The following PDZD8 variants were observed in gnomAD, a reference collection of about 807,000 sequenced individuals.
PDZD8 encodes the protein PDZ domain containing 8.
A neutral mutation model predicts 85.8 loss-of-function variants in PDZD8; 14 were observed. The observed-to-expected ratio is 0.16, with a 90% CI of 0.11 to 0.26. The LOEUF is 0.26. Among genes scored for constraint, PDZD8 ranks in the 10% least tolerant of loss-of-function variants. The probability of loss-of-function intolerance (pLI) is 1.00; values close to 1 mark genes in which losing one functional copy is unlikely to be tolerated. For missense variants in PDZD8, 1,197 were observed against 1,424.3 expected, an observed-to-expected ratio of 0.84 and a Z score of 2.57; for synonymous variants, 592 against 568.6, an observed-to-expected ratio of 1.04 and a Z score of -0.59.
chr10:117,372,043 T>C (rs1589600710), intron 1 of PDZD8, among the ~76,000 whole-genome samples: 1 of 152,344 alleles, frequency 6.6e-6, no homozygotes, highest in East Asian at 1.9e-4. Flanking sequence ...TATTGTTCAG[T>C]ACTGAAATCC....
At chr10:117,303,089 T>C (rs920930521) in intron 3 of PDZD8, among the ~76,000 whole-genome samples, 5 of 151,922 alleles carry the variant, frequency 3.3e-5, no homozygotes, top group Admixed American at 1.3e-4. Flanking sequence ...GGCAGAGAGG[T>C]TGGAACAGTT....
rs1283953702 is a variant in PDZD8, at chr10:117,356,270, TA to T, written c.873-15169del. Among the ~76,000 whole-genome samples, 7 of 151,140 alleles carry T rather than the reference TA, an allele frequency of 4.6e-5. No homozygotes were observed. In the South Asian group the frequency reaches 1.3e-3, roughly 27 times the overall value. On this transcript the variant is annotated intron_variant, in intron 1 of 4. Coordinates refer to ENST00000334464, the MANE Select transcript of PDZD8 (RefSeq NM_173791.5). ...ATTTTCTTAACATCATTTAATAAGT[TA>T]AAAAAAAGATGCTGAGACATTTGTG...
Position 117,284,944 on chromosome 10 carries a change from C to T in PDZD8, c.1789G>A (p.Ala597Thr). 6.2e-7 allele frequency: 1 copy of T among 1,614,142 alleles called. No homozygotes were observed. The highest frequency in any genetic ancestry group is 1.1e-5 in the South Asian group (1 of 91,080). The change falls in exon 5 of 5, where the codon GCG becomes ACG. Residue 597 changes from alanine (A) to threonine (T), a missense_variant. Coordinates refer to ENST00000334464, the MANE Select transcript of PDZD8 (RefSeq NM_173791.5). The stretch of plus-strand genomic sequence containing the variant: ...TCGGCGGAAGGCAAAGGAACTTTCG[C>T]TTGTGGTCGTGGTGGCACAGGTGGT... ...FKPPVPPRPQ[A>T]KVPLPSADAP...
At chr10:117,370,261 G>A (rs143593874) in intron 1 of PDZD8, among the ~76,000 whole-genome samples, 1 of 152,234 alleles carries the variant, frequency 6.6e-6, no homozygotes, top group Non-Finnish European at 1.5e-5. Flanking sequence ...AACATTGTAA[G>A]TTTGTTAACT....
At chr10:117,291,374 C>A (rs1844761018) in intron 3 of PDZD8, among the ~76,000 whole-genome samples, 1 of 151,044 alleles carries the variant, frequency 6.6e-6, no homozygotes, top group Non-Finnish European at 1.5e-5. Flanking sequence ...ACTAAAAATA[C>A]AAAAAATTAG....
chr10:117,291,348 G>T (rs913158485), intron 3 of PDZD8, among the ~76,000 whole-genome samples: 1 of 151,790 alleles, frequency 6.6e-6, no homozygotes, highest in Non-Finnish European at 1.5e-5. Context: ...GGCTAACACG[G>T]TGAAACCCCG....
chr10:117,305,804 TA>T (rs1843933622), intron 3 of PDZD8, among the ~76,000 whole-genome samples: 1 of 152,182 alleles, frequency 6.6e-6, no homozygotes, highest in Non-Finnish European at 1.5e-5. Flanking sequence ...TCCTAAGAAC[TA>T]GGGCAGATTT....
At chr10:117,334,456 G>T (rs915607307) in intron 2 of PDZD8, among the ~76,000 whole-genome samples, 4 of 152,018 alleles carry the variant, frequency 2.6e-5, no homozygotes, top group African/African-American at 9.7e-5. Context: ...CTGTGGTAAG[G>T]CATGATCATG....
chr10:117,343,412 G>C (rs919711366), intron 1 of PDZD8, among the ~76,000 whole-genome samples: 1 of 152,126 alleles, frequency 6.6e-6, no homozygotes, highest in Non-Finnish European at 1.5e-5. Context: ...GATTCAGACA[G>C]ACTGGCACCA....
chr10:117,314,406 T>C (rs1420935495), intron 3 of PDZD8, among the ~76,000 whole-genome samples: 1 of 152,220 alleles, frequency 6.6e-6, no homozygotes, highest in African/African-American at 2.4e-5. Context: ...ATTTTAAATA[T>C]GGCTGACCCT....
At chr10:117,315,587 CAA>C (rs35866840) in intron 3 of PDZD8, among the ~76,000 whole-genome samples, 1 of 42,106 alleles carries the variant, frequency 2.4e-5, no homozygotes. Context: ...TAGACTCTCT[CAA>C]AAAAAAAAAA....
Position 117,284,366 on chromosome 10 carries a change from A to G in PDZD8, c.2367T>C (p.Ile789=). 1 of 1,614,186 alleles carries G rather than the reference A, an allele frequency of 6.2e-7. No individual in the cohort carries two copies. The highest frequency in any genetic ancestry group is 8.5e-7 in the Non-Finnish European group (1 of 1,180,030). ...GFNDKFCYGD[I]TIHFKYLKEG... is the part of the protein sequence containing the mutation. ...CTTTCAAATATTTGAAGTGAATAGT[A>G]ATGTCACCATAGCAAAATTTGTCAT... Residue 789 remains isoleucine (I), a synonymous_variant, in exon 5 of 5, where the codon ATT becomes ATC. Transcript: ENST00000334464.
intron 3 of PDZD8, among the ~76,000 whole-genome samples, chr10:117,291,230 A>T (rs11197943): frequency 6.7e-6 from 1 of 149,258 alleles, no homozygotes; most frequent in African/African-American, 2.5e-5. Context: ...GTTTACATTT[A>T]TACTTTATTA....
At chr10:117,308,968 G>A (rs923085603) in intron 3 of PDZD8, among the ~76,000 whole-genome samples, 2 of 152,238 alleles carry the variant, frequency 1.3e-5, no homozygotes, top group African/African-American at 4.8e-5. Flanking sequence ...GCTACTGCCA[G>A]ATCTCCCAAA....
intron 1 of PDZD8, among the ~76,000 whole-genome samples, chr10:117,342,854 A>G (rs1045857673): frequency 3.9e-5 from 6 of 152,174 alleles, no homozygotes; most frequent in Non-Finnish European, 5.9e-5. Flanking sequence ...AAGTCACCTC[A>G]TATGCCCAGA....
intron 3 of PDZD8, among the ~76,000 whole-genome samples, chr10:117,301,416 A>T (rs1843845584): frequency 6.6e-6 from 1 of 152,198 alleles, no homozygotes; most frequent in Admixed American, 6.5e-5. Context: ...TTATTTCCAA[A>T]TTTTCAGTTA....
intron 2 of PDZD8, among the ~76,000 whole-genome samples, chr10:117,320,350 T>C (rs1431021995): frequency 6.6e-6 from 1 of 152,108 alleles, no homozygotes; most frequent in Non-Finnish European, 1.5e-5. Flanking sequence ...TCCTGACAGG[T>C]ATAAATCTTC....
intron 1 of PDZD8, among the ~76,000 whole-genome samples, chr10:117,371,513 C>T (rs1845191796): frequency 1.3e-5 from 2 of 152,202 alleles, no homozygotes; most frequent in Admixed American, 6.5e-5. Context: ...CTGGACAGAA[C>T]AGCTACACAG....
At chr10:117,294,895 A>C (rs190993961) in intron 3 of PDZD8, among the ~76,000 whole-genome samples, 1 of 152,282 alleles carries the variant, frequency 6.6e-6, no homozygotes, top group Non-Finnish European at 1.5e-5. Flanking sequence ...TGGCTATAAA[A>C]AGTTACAGTT....
Sources: gnomAD v4.1 joint callset for allele counts (sites outside exome capture counted in the v4.1 genomes callset) on GRCh38, gnomAD v4.1.1 for gene constraint, MANE v1.5 for transcripts, NCBI Gene and HGNC (gene_info 2026-07-23, HGNC 2026-07-21) for gene names.